The following RYR3 variants were observed in gnomAD, a reference collection of about 807,000 sequenced individuals.
The protein encoded by RYR3 is ryanodine receptor 3, also known as brain ryanodine receptor-calcium release channel.
RYR3 carries 207 observed loss-of-function variants against 584.3 expected under a neutral mutation model. The ratio of observed to expected loss-of-function variants is 0.35; its 90% confidence interval spans 0.32 to 0.40. The LOEUF is 0.40. RYR3 is among the 10% of genes least tolerant of loss of function. The probability of loss-of-function intolerance (pLI) is 1.00; values close to 1 mark genes in which losing one functional copy is unlikely to be tolerated. For missense variants in RYR3, 5,616 were observed against 6,089.2 expected, an observed-to-expected ratio of 0.92 and a Z score of 2.59; for synonymous variants, 2,416 against 2,248.5, an observed-to-expected ratio of 1.07 and a Z score of -2.11.
chr15:33,544,692 G>A (rs1450804200), intron 8 of RYR3, among the ~76,000 whole-genome samples: 1 of 152,090 alleles, frequency 6.6e-6, no homozygotes, highest in Non-Finnish European at 1.5e-5. Flanking sequence ...GCACCCATTG[G>A]CAATGTGTAT....
chr15:33,720,847 C>G (rs1321206515), intron 43 of RYR3, among the ~76,000 whole-genome samples: 2 of 151,434 alleles, frequency 1.3e-5, no homozygotes, highest in Non-Finnish European at 2.9e-5. Flanking sequence ...GTACTCCAGC[C>G]TGGGTGACAG....
At chr15:33,497,749 T>C (rs1194303569) in intron 2 of RYR3, among the ~76,000 whole-genome samples, 1 of 152,206 alleles carries the variant, frequency 6.6e-6, no homozygotes, top group African/African-American at 2.4e-5. Flanking sequence ...CTCTTGTGGC[T>C]ATTTTAAAAT....
intron 68 of RYR3, among the ~76,000 whole-genome samples, chr15:33,801,471 G>T (rs1244768516): frequency 6.6e-6 from 1 of 152,200 alleles, no homozygotes; most frequent in Non-Finnish European, 1.5e-5. Context: ...CCACAGCAGA[G>T]ACAGCTTTGC....
chr15:33,467,103 C>G (rs1032236303), intron 1 of RYR3, among the ~76,000 whole-genome samples: 15 of 152,224 alleles, frequency 9.9e-5, no homozygotes, highest in African/African-American at 3.1e-4. Flanking sequence ...TAGAAAGTAG[C>G]TTAACTTTAT....
chr15:33,661,274 G>A (rs982347863), intron 34 of RYR3, among the ~76,000 whole-genome samples: 2 of 152,270 alleles, frequency 1.3e-5, no homozygotes, highest in African/African-American at 2.4e-5. Context: ...AAACAAGGGA[G>A]CAACATACAA....
chr15:33,550,493 T>C (rs1396639802), intron 10 of RYR3, among the ~76,000 whole-genome samples, 177 bp downstream of exon 10: 2 of 152,358 alleles, frequency 1.3e-5, no homozygotes, highest in East Asian at 1.9e-4. Flanking sequence ...TGGAGGAATA[T>C]GTACCTTGGA....
chr15:33,862,711 A>G (rs1464124934), intron 102 of RYR3, among the ~76,000 whole-genome samples: 2 of 150,726 alleles, frequency 1.3e-5, no homozygotes, highest in African/African-American at 4.9e-5. Context: ...CCTGGATTCA[A>G]GTGATTCTCC....
At chr15:33,761,794 A>G (rs1339909330) in intron 60 of RYR3, among the ~76,000 whole-genome samples, 1 of 152,180 alleles carries the variant, frequency 6.6e-6, no homozygotes, top group Non-Finnish European at 1.5e-5. Context: ...TGGCAGAGAC[A>G]CATACACACA....
chr15:33,567,130 A>C (rs1039080311), intron 12 of RYR3, among the ~76,000 whole-genome samples: 2 of 152,204 alleles, frequency 1.3e-5, no homozygotes, highest in African/African-American at 2.4e-5. Context: ...AAGAGCAAAG[A>C]GGAACTGATA....
chr15:33,337,916 T>C (rs1011291380), intron 1 of RYR3, among the ~76,000 whole-genome samples: 2 of 147,576 alleles, frequency 1.4e-5, no homozygotes, highest in Non-Finnish European at 3.0e-5. Flanking sequence ...ATGAGACAAG[T>C]CTCAATCATT....
At chr15:33,459,013 C>G (rs1315876528) in intron 1 of RYR3, among the ~76,000 whole-genome samples, 3 of 152,230 alleles carry the variant, frequency 2.0e-5, no homozygotes, top group Admixed American at 1.3e-4. Context: ...CCCCAGCTGT[C>G]ACTTCTGACC....
intron 91 of RYR3, among the ~76,000 whole-genome samples, chr15:33,842,275 C>G (rs1419329325): frequency 6.6e-6 from 1 of 152,236 alleles, no homozygotes; most frequent in African/African-American, 2.4e-5. Flanking sequence ...GGTGTCCTCT[C>G]TCACCTGTTT....
chr15:33,811,419 G>C (rs949729654), intron 72 of RYR3, among the ~76,000 whole-genome samples: 4 of 151,866 alleles, frequency 2.6e-5, no homozygotes, highest in African/African-American at 9.7e-5. Flanking sequence ...GCAGAGGCAG[G>C]AGAATGGTGT....
At chr15:33,782,172 T>A (rs1248024923) in intron 65 of RYR3, among the ~76,000 whole-genome samples, 1 of 152,192 alleles carries the variant, frequency 6.6e-6, no homozygotes, top group African/African-American at 2.4e-5. Flanking sequence ...CTGCCTCTGC[T>A]CTTTAGTTCA....
chr15:33,796,322 C>T (rs1221294140), intron 67 of RYR3, among the ~76,000 whole-genome samples: 3 of 152,106 alleles, frequency 2.0e-5, no homozygotes, highest in South Asian at 2.1e-4. Context: ...TTAGTAGAGA[C>T]GGGGTTTCAC....
rs371122628 is a variant in RYR3, at chr15:33,810,544, C to T, written c.10092C>T (p.Thr3364=). Residue 3364 remains threonine, a synonymous_variant, in exon 71 of 104, where the codon ACC becomes ACT. Coordinates refer to ENST00000634891, the MANE Select transcript of RYR3 (RefSeq NM_001036.6). ...GGGGAGACTTGTATTCCATCCAGAC[C>T]TCCCTCATCGTGGCTGCACTCAAGA... is the stretch of plus-strand genomic sequence containing the variant. ...KRRGDLYSIQ[T]SLIVAALKKM... 3.0e-5 allele frequency: 48 copies of T among 1,613,900 alleles called. No individual in the cohort carries two copies. The highest frequency in any genetic ancestry group is 3.7e-5 in the Non-Finnish European group (44 of 1,179,902).
intron 31 of RYR3, 129 bp from the exon 32 acceptor site, chr15:33,652,589 A>G: frequency 1.1e-6 from 1 of 920,134 alleles, no homozygotes; most frequent in Non-Finnish European, 1.7e-6. Flanking sequence ...AAAAAAAAGT[A>G]TTTGGGGCTG....
chr15:33,819,450 T>G (rs1211415227), intron 76 of RYR3, among the ~76,000 whole-genome samples: 1 of 152,058 alleles, frequency 6.6e-6, no homozygotes, highest in African/African-American at 2.4e-5. Context: ...GGCAGGCAGA[T>G]CACTTGAGGT....
intron 73 of RYR3, 140 bp downstream of exon 73, chr15:33,813,134 C>T: frequency 3.7e-6 from 4 of 1,076,424 alleles, no homozygotes; most frequent in Non-Finnish European, 5.3e-6. Context: ...CAGATCACCC[C>T]CACGTGCCAT....
Sources: allele counts gnomAD v4.1 joint callset (sites outside exome capture counted in the v4.1 genomes callset), GRCh38; gene constraint gnomAD v4.1.1; transcripts MANE v1.5; gene names NCBI Gene and HGNC (gene_info 2026-07-23, HGNC 2026-07-21).